DNAAF8: variants seen among roughly 807,000 people sequenced by gnomAD.
DNAAF8 encodes dynein axonemal assembly factor 8, also known as dynein axonemal-associated protein 1.
In DNAAF8, 61 loss-of-function variants were observed where a neutral mutation model predicts 54.6. The ratio of observed to expected loss-of-function variants is 1.12; its 90% CI spans 0.91 to 1.38. DNAAF8 has a LOEUF of 1.38. Ranked by LOEUF, DNAAF8 falls within the 40% of genes most tolerant of loss-of-function variation. The probability of loss-of-function intolerance (pLI) is 0.00; values close to 1 mark genes in which losing one functional copy is unlikely to be tolerated. For missense variants in DNAAF8, 837 were observed against 665.0 expected (o/e 1.26, Z -2.85); for synonymous variants, 320 against 270.1 (o/e 1.18, Z -1.81).
In DNAAF8 at chr16:4,740,337, T is replaced by TGTC. The variant is rs1403631649; in HGVS notation, c.462_464dup (p.Ser155dup). On this transcript the variant is annotated inframe_insertion, in exon 4 of 10. Coordinates refer to ENST00000299320, the MANE Select transcript of DNAAF8 (RefSeq NM_139170.3). ...TGGCTGGAAGGCGACCTTGGAAGCC[T>TGTC]GTCTTTCAACACCAAAGGATCCCAG... 2 of 1,613,782 alleles carry TGTC rather than the reference T, an allele frequency of 1.2e-6. No individual in the cohort carries two copies. Among genetic ancestry groups the TGTC allele is most frequent in the Non-Finnish European group, 1.7e-6 (2 of 1,179,960 alleles).
intron 9 of DNAAF8, 48 bp downstream of exon 9, chr16:4,747,682 C>A: frequency 6.6e-7 from 1 of 1,526,100 alleles, no homozygotes; most frequent in South Asian, 1.2e-5. Flanking sequence ...TTGCCATGGA[C>A]CCTGGGCCCC....
intron 3 of DNAAF8, 124 bp downstream of exon 3, chr16:4,738,070 A>G: frequency 8.2e-7 from 1 of 1,224,702 alleles, no homozygotes; most frequent in Non-Finnish European, 1.1e-6. Flanking sequence ...TTTTTCCCCC[A>G]TGTACAACCC....
At chr16:4,740,731 G>A (rs1032202061) in intron 4 of DNAAF8, 72 bp downstream of exon 4, 5 of 1,460,870 alleles carry the variant, frequency 3.4e-6, no homozygotes, top group Non-Finnish European at 4.6e-6. Context: ...CCCATGCACT[G>A]GAGCTAGAAG....
chr16:4,742,000 A>C (rs529821683), intron 4 of DNAAF8, among the ~76,000 whole-genome samples: 2 of 152,340 alleles, frequency 1.3e-5, no homozygotes, highest in African/African-American at 4.8e-5. Flanking sequence ...ACTACTGTTT[A>C]AATCAACCGT....
chr16:4,740,545 C>T lies in DNAAF8; in HGVS notation c.669C>T (p.Thr223=), dbSNP rs778062230. 2.5e-6 allele frequency: 4 copies of T among 1,614,046 alleles called. No individual in the cohort carries two copies. In the South Asian group the frequency reaches 3.3e-5, roughly 13 times the overall value. The change falls in exon 4 of 10, where the codon ACC becomes ACT. Residue 223 remains threonine (T), a synonymous_variant. Coordinates refer to ENST00000299320, the MANE Select transcript of DNAAF8 (RefSeq NM_139170.3). ...QKVTRDACGP[T]SSDKGGVKEA... is the part of the protein sequence containing the mutation. ...TCACCCGGGATGCCTGCGGCCCGACCAGCAGTGACAAAGGTGGGGTGAAGG... is the reference window on the plus strand; with the variant it reads ...TCACCCGGGATGCCTGCGGCCCGACTAGCAGTGACAAAGGTGGGGTGAAGG...
Position 4,736,523 on chromosome 16 carries a change from C to A in DNAAF8, c.9C>A (p.Ser3=). ...TGGAAGCCTGGGCCCTCATGGCATC[C>A]AACGATAAAGGCATGGCACCCTCGC... The part of the protein sequence containing the change: MA[S]NDKGMAPSLG... The change falls in exon 2 of 10, where the codon TCC becomes TCA. Residue 3 remains serine (S), a synonymous_variant. Transcript: ENST00000299320. The A allele has an allele frequency of 2.6e-6, 4 of 1,551,914 alleles. No homozygotes were observed. The highest frequency in any genetic ancestry group is 1.2e-5 in the South Asian group (1 of 83,022).
At chr16:4,747,067 C>T in intron 8 of DNAAF8, 42 bp downstream of exon 8, 3 of 1,477,970 alleles carry the variant, frequency 2.0e-6, no homozygotes, top group Non-Finnish European at 2.7e-6. Context: ...GATGTCCCAC[C>T]TCTGCTTTCT....
At chr16:4,744,743 C>T (rs999176112) in intron 5 of DNAAF8, 127 bp from the exon 6 acceptor site, 22 of 1,199,364 alleles carry the variant, frequency 1.8e-5, no homozygotes, top group East Asian at 5.0e-5. Flanking sequence ...GAGGGCTGGG[C>T]GGGGGCAGTG....
In DNAAF8 at chr16:4,740,133, C is replaced by T; in HGVS notation, c.277-20C>T. ...CATGTTTTTGAGGATGCTAACTGAA[C>T]ATACCTGTTTTCTTGACAGCCAGTT... On this transcript the variant is annotated intron_variant, in intron 3 of 9. Transcript: ENST00000299320. The T allele has an allele frequency of 6.4e-7, 1 of 1,573,866 alleles. No individual in the cohort carries two copies. The highest frequency in any genetic ancestry group is 8.6e-7 in the Non-Finnish European group (1 of 1,158,194).
Position 4,747,642 on chromosome 16 carries a change from G to A in DNAAF8, c.*9+8G>A, listed in dbSNP as rs2082035313. 6.3e-7 allele frequency: 1 copy of A among 1,590,000 alleles called. No individual in the cohort carries two copies. The highest frequency in any genetic ancestry group is 8.6e-7 in the Non-Finnish European group (1 of 1,164,756). On this transcript the variant is annotated splice_region_variant and intron_variant, in intron 9 of 9. Transcript: ENST00000299320. The stretch of plus-strand genomic sequence containing the variant: ...CAACTATAGCTGCCTCAGGTAGTGG[G>A]ATCCCAGGAGTGGGCAGGGGCGGGC...
intron 3 of DNAAF8, 131 bp downstream of exon 3, chr16:4,738,077 A>C: frequency 1.4e-5 from 16 of 1,170,878 alleles, no homozygotes; most frequent in South Asian, 1.2e-4. Context: ...CCCATGTACA[A>C]CCCAAGGTAT....
At position 4,744,876 on chromosome 16, in the gene DNAAF8, T is replaced by C; in HGVS notation, c.908T>C (p.Met303Thr). ...CTCCTTTGGCCATCCTCAGACCGCA[T>C]GGTGCCGAGCGCCCACAACAGGCTC... ...AADHRQVQDR[M>T]VPSAHNRLME... Residue 303 changes from methionine to threonine, a missense_variant, in exon 6 of 10, where the codon ATG (methionine) becomes ACG (threonine). Met to Thr is a moderately conservative substitution (Grantham distance 81). Coordinates refer to ENST00000299320, the MANE Select transcript of DNAAF8 (RefSeq NM_139170.3). 7 of 1,612,650 alleles carry C rather than the reference T, an allele frequency of 4.3e-6. No homozygotes were observed. Among genetic ancestry groups the C allele is most frequent in the Non-Finnish European group, 5.9e-6 (7 of 1,179,298 alleles).
intron 6 of DNAAF8, chr16:4,746,015 G>A: frequency 5.4e-6 from 1 of 186,578 alleles, no homozygotes; most frequent in Non-Finnish European, 1.1e-5. Flanking sequence ...AACCATGGCA[G>A]CCATTAGCCG....
At chr16:4,738,667 G>C (rs759196475) in intron 3 of DNAAF8, among the ~76,000 whole-genome samples, 3 of 152,196 alleles carry the variant, frequency 2.0e-5, no homozygotes, top group Non-Finnish European at 4.4e-5. Flanking sequence ...TGGATCACTT[G>C]AAGTCAGGAG....
At chr16:4,736,760 T>C in intron 2 of DNAAF8, 117 bp downstream of exon 2, 3 of 1,162,770 alleles carry the variant, frequency 2.6e-6, no homozygotes, top group Non-Finnish European at 3.4e-6. Context: ...CTGTGCAGTT[T>C]GTTGTCATTT....
chr16:4,738,524 C>T (rs982213264), intron 3 of DNAAF8, among the ~76,000 whole-genome samples: 2 of 152,214 alleles, frequency 1.3e-5, no homozygotes, highest in African/African-American at 2.4e-5. Flanking sequence ...GTTGCCAGTG[C>T]TGGAGGCTGA....
Position 4,743,116 on chromosome 16 carries a change from C to A in DNAAF8, c.857C>A (p.Ala286Glu). The A allele has an allele frequency of 6.2e-7, 1 of 1,612,146 alleles. No individual in the cohort carries two copies. The highest frequency in any genetic ancestry group is 1.1e-5 in the South Asian group (1 of 90,846). ...AGQEDNQGNR[A>E]PGTVWWAADH... ...CAAGAAGACAACCAGGGAAATCGTGCACCTGGAACTGTGTGGTGGGCAGCT... is the reference window on the plus strand; with the variant it reads ...CAAGAAGACAACCAGGGAAATCGTGAACCTGGAACTGTGTGGTGGGCAGCT... Residue 286 changes from alanine (A) to glutamate (E), a missense_variant, in exon 5 of 10, where the codon GCA becomes GAA. Ala to Glu is a moderately radical substitution (Grantham distance 107). Coordinates refer to ENST00000299320, the MANE Select transcript of DNAAF8 (RefSeq NM_139170.3).
intron 3 of DNAAF8, 136 bp from the exon 4 acceptor site, chr16:4,740,017 C>G: frequency 9.1e-7 from 1 of 1,094,230 alleles, no homozygotes; most frequent in Non-Finnish European, 1.3e-6. Context: ...TATGATCGCA[C>G]CACTGCACTG....
chr16:4,740,153 C>A lies in DNAAF8; in HGVS notation c.277C>A (p.Pro93Thr). Residue 93 changes from proline (P) to threonine (T), a missense_variant and splice_region_variant, in exon 4 of 10, where the codon CCA becomes ACA. By Grantham distance (38) the Pro-to-Thr change is conservative (BLOSUM62 -1). Coordinates refer to ENST00000299320, the MANE Select transcript of DNAAF8 (RefSeq NM_139170.3). ...CTGAACATACCTGTTTTCTTGACAG[C>A]CAGTTCTGGTGCCTGCAGAATTGGC... Reference protein sequence around the residue: ...VAAAEESLPEPVLVPAELATE... With the variant: ...VAAAEESLPETVLVPAELATE... 1 of 1,591,702 alleles carries A rather than the reference C, an allele frequency of 6.3e-7. No individual in the cohort carries two copies. Among genetic ancestry groups the A allele is most frequent in the Non-Finnish European group, 8.6e-7 (1 of 1,166,612 alleles).
Sources: gnomAD v4.1 joint callset for allele counts (sites outside exome capture counted in the v4.1 genomes callset) on GRCh38, gnomAD v4.1.1 for gene constraint, MANE v1.5 for transcripts, NCBI Gene and HGNC (gene_info 2026-07-23, HGNC 2026-07-21) for gene names.